Variants in QTMAN observed in about 807,000 individuals in gnomAD.
The protein encoded by QTMAN is queuosine-tRNA mannosyltransferase, also known as tRNA-queuosine alpha-mannosyltransferase.
the QTMAN span, among the ~76,000 whole-genome samples, chr2:144,027,137 G>A: frequency 1.3e-5 from 2 of 152,266 alleles, no homozygotes; most frequent in Admixed American, 6.5e-5. Context: ...TCCTCCAATG[G>A]AGGCAAGAGC....
chr2:144,250,425 G>A, the QTMAN span, among the ~76,000 whole-genome samples: 2 of 151,980 alleles, frequency 1.3e-5, no homozygotes, highest in South Asian at 2.1e-4. Context: ...TTACAAGCAC[G>A]AGCCACCATG....
At chr2:144,119,010 G>A in the QTMAN span, among the ~76,000 whole-genome samples, 1 of 152,116 alleles carries the variant, frequency 6.6e-6, no homozygotes, top group Non-Finnish European at 1.5e-5. Context: ...CCAAATAAAG[G>A]TTTCACAGAT....
chr2:144,001,870 T>A, the QTMAN span, among the ~76,000 whole-genome samples: 1 of 151,824 alleles, frequency 6.6e-6, no homozygotes, highest in African/African-American at 2.4e-5. Flanking sequence ...CTATGAGAAC[T>A]ACAAATTAGG....
At chr2:144,196,084 T>C in the QTMAN span, among the ~76,000 whole-genome samples, 1 of 152,126 alleles carries the variant, frequency 6.6e-6, no homozygotes, top group East Asian at 1.9e-4. Flanking sequence ...AAATTAAAAA[T>C]TCCCTTTGAA....
At chr2:144,025,625 A>G in the QTMAN span, among the ~76,000 whole-genome samples, 3 of 152,194 alleles carry the variant, frequency 2.0e-5, no homozygotes, top group Non-Finnish European at 4.4e-5. Context: ...GGAGGTGATT[A>G]GAAGTCACCC....
the QTMAN span, among the ~76,000 whole-genome samples, chr2:144,124,970 A>T: frequency 3.3e-5 from 5 of 152,136 alleles, no homozygotes; most frequent in African/African-American, 4.8e-5. Context: ...AAATTAATCC[A>T]AAGGTTTGAA....
chr2:144,327,473 G>A, the QTMAN span, among the ~76,000 whole-genome samples: 73 of 152,260 alleles, frequency 4.8e-4, no homozygotes, highest in African/African-American at 1.6e-3. Flanking sequence ...AAAAATCACC[G>A]ATTTATGGGA....
the QTMAN span, among the ~76,000 whole-genome samples, chr2:144,277,594 A>C: frequency 6.6e-6 from 1 of 152,226 alleles, no homozygotes; most frequent in Admixed American, 6.5e-5. Flanking sequence ...AAGCTAAATA[A>C]ACACAACAGG....
the QTMAN span, among the ~76,000 whole-genome samples, chr2:144,126,999 ACT>A: frequency 6.6e-6 from 1 of 151,840 alleles, no homozygotes; most frequent in Non-Finnish European, 1.5e-5. Flanking sequence ...TCTAAGACAT[ACT>A]CTCTCTTTTT....
At chr2:144,125,459 A>C in the QTMAN span, among the ~76,000 whole-genome samples, 1 of 152,016 alleles carries the variant, frequency 6.6e-6, no homozygotes, top group African/African-American at 2.4e-5. Context: ...CAATTTTTTC[A>C]AGTGAATCCA....
the QTMAN span, among the ~76,000 whole-genome samples, chr2:144,043,100 T>A: frequency 6.6e-6 from 1 of 152,204 alleles, no homozygotes; most frequent in Non-Finnish European, 1.5e-5. Flanking sequence ...CACAACACCT[T>A]TTTTTCCCCG....
At chr2:144,189,461 G>T in the QTMAN span, among the ~76,000 whole-genome samples, 1 of 152,182 alleles carries the variant, frequency 6.6e-6, no homozygotes, top group Non-Finnish European at 1.5e-5. Context: ...GAGCATTAAA[G>T]ATATTGAGCC....
At chr2:144,197,204 A>G in the QTMAN span, among the ~76,000 whole-genome samples, 16 of 152,248 alleles carry the variant, frequency 1.1e-4, no homozygotes, top group Admixed American at 2.0e-4. Flanking sequence ...TAAATTCTGT[A>G]GTAAAAACAG....
chr2:143,965,136 C>G, the QTMAN span, among the ~76,000 whole-genome samples: 1 of 151,508 alleles, frequency 6.6e-6, no homozygotes, highest in East Asian at 1.9e-4. Flanking sequence ...CAAATATTTG[C>G]ATTGAGGAGC....
chr2:144,066,111 G>T, the QTMAN span, among the ~76,000 whole-genome samples: 2 of 151,782 alleles, frequency 1.3e-5, no homozygotes, highest in Non-Finnish European at 2.9e-5. Context: ...CTCCTTTCAA[G>T]GTTCTTTTTT....
chr2:144,253,177 G>C, the QTMAN span, among the ~76,000 whole-genome samples: 2 of 152,122 alleles, frequency 1.3e-5, no homozygotes, highest in African/African-American at 4.8e-5. Flanking sequence ...GCCATGTGAA[G>C]GACATATTTG....
At chr2:144,253,627 C>T in the QTMAN span, among the ~76,000 whole-genome samples, 2 of 152,114 alleles carry the variant, frequency 1.3e-5, no homozygotes, top group East Asian at 3.9e-4. Flanking sequence ...TGTCCCTGCC[C>T]TAGACATCTG....
the QTMAN span, chr2:144,005,858 A>G: frequency 2.0e-5 from 3 of 152,268 alleles, no homozygotes; most frequent in South Asian, 4.1e-4. Flanking sequence ...GTTTTGTAAA[A>G]GCAGACTAGA....
the QTMAN span, chr2:143,944,963 T>C: frequency 6.6e-6 from 1 of 151,970 alleles, no homozygotes; most frequent in Non-Finnish European, 1.5e-5. Context: ...CTATGGGTAC[T>C]AGTTGTGTGT....
Sources: allele counts gnomAD v4.1 joint callset (sites outside exome capture counted in the v4.1 genomes callset), GRCh38; gene constraint gnomAD v4.1.1; transcripts MANE v1.5; gene names NCBI Gene and HGNC (gene_info 2026-07-23, HGNC 2026-07-21).